Variants in TTC13 observed in about 807,000 individuals in gnomAD.
TTC13 encodes tetratricopeptide repeat protein 13.
A neutral mutation model predicts 120.0 loss-of-function variants in TTC13; 62 were observed. That is an observed-to-expected ratio of 0.52 (90% CI 0.42 to 0.64). The LOEUF (loss-of-function observed/expected upper bound fraction) is 0.64, where lower values mean the gene tolerates loss of function less well. Ranked by LOEUF, TTC13 falls within the 30% of genes least tolerant of loss-of-function variation. TTC13 has a pLI of 0.00. For missense variants in TTC13, 824 were observed against 1,050.2 expected (o/e 0.78, Z 2.98); for synonymous variants, 384 against 393.5 (o/e 0.98, Z 0.28).
intron 1 of TTC13, among the ~76,000 whole-genome samples, chr1:230,970,324 A>T (rs1049005752): frequency 1.3e-5 from 2 of 152,244 alleles, no homozygotes; most frequent in Non-Finnish European, 2.9e-5. Context: ...GAGGCAGTCC[A>T]TATGAACATC....
rs1296888426 is a variant in TTC13, at chr1:230,940,967, T to A, written c.673-411A>T. Among the ~76,000 whole-genome samples the A allele has an allele frequency of 2.0e-5, 3 of 152,080 alleles. No homozygotes were observed. The highest frequency in any genetic ancestry group is 2.9e-5 in the Non-Finnish European group (2 of 68,026). Reference sequence around the variant, plus strand: ...ACAAATTATCGGACACAGATTAGAGTCTTCCATGGTCTTTAGCTCTGTCCT... The same window carrying A: ...ACAAATTATCGGACACAGATTAGAGACTTCCATGGTCTTTAGCTCTGTCCT... On this transcript the variant is annotated intron_variant, in intron 6 of 22. Coordinates refer to ENST00000366661, the MANE Select transcript of TTC13 (RefSeq NM_024525.5). The surrounding 1 kb of genome is among the most constrained non-coding windows in gnomAD (Gnocchi z 4.1).
Position 230,944,136 on chromosome 1 carries a change from C to G in TTC13, c.580-238G>C, listed in dbSNP as rs574041572. Among the ~76,000 whole-genome samples the G allele has an allele frequency of 2.0e-4, 31 of 152,296 alleles. No individual in the cohort carries two copies. Among genetic ancestry groups the G allele is most frequent in the African/African-American group, 7.2e-4 (30 of 41,560 alleles). On this transcript the variant is annotated intron_variant, in intron 5 of 22. Coordinates refer to ENST00000366661, the MANE Select transcript of TTC13 (RefSeq NM_024525.5). The surrounding 1 kb of genome is among the most constrained non-coding windows in gnomAD (Gnocchi z 4.0). ...ACATGTTAGACCCGGCTACCTATCA[C>G]AAATTCCACAGATGGCAGGATATTA...
At chr1:230,948,770 G>A (rs759526670) in intron 4 of TTC13, among the ~76,000 whole-genome samples, 22 of 152,074 alleles carry the variant, frequency 1.4e-4, no homozygotes, top group African/African-American at 2.7e-4. Context: ...GGTTACAGGC[G>A]TGAGCCACCA....
intron 1 of TTC13, among the ~76,000 whole-genome samples, chr1:230,976,381 T>C (rs902045129): frequency 6.6e-6 from 1 of 152,168 alleles, no homozygotes; most frequent in Non-Finnish European, 1.5e-5. Flanking sequence ...ACAGGTTTCA[T>C]AGGGTCCAGC....
intron 3 of TTC13, among the ~76,000 whole-genome samples, 178 bp downstream of exon 3, chr1:230,958,046 T>C (rs1007966404): frequency 2.6e-5 from 4 of 152,154 alleles, no homozygotes; most frequent in African/African-American, 9.7e-5. Flanking sequence ...AACCTTTTTT[T>C]TTTCTCTTGA....
intron 17 of TTC13, among the ~76,000 whole-genome samples, chr1:230,916,550 G>A (rs74734033): frequency 0.15 from 22,886 of 152,172 alleles, 2,215 homozygotes; most frequent in Non-Finnish European, 0.22. Context: ...AAAGCTCACA[G>A]GTTCTCTTCG....
At chr1:230,926,973 G>C (rs1673107266) in intron 12 of TTC13, among the ~76,000 whole-genome samples, 1 of 152,136 alleles carries the variant, frequency 6.6e-6, no homozygotes, top group Non-Finnish European at 1.5e-5. Flanking sequence ...TTTGGCTTAT[G>C]AGCTTTGGGA....
chr1:230,933,977 A>G, intron 8 of TTC13, 116 bp from the exon 9 acceptor site: 1 of 555,454 alleles, frequency 1.8e-6, no homozygotes, highest in South Asian at 3.5e-5. Flanking sequence ...TTCTTTTAGG[A>G]GGACTTTTAA....
intron 1 of TTC13, among the ~76,000 whole-genome samples, chr1:230,970,004 T>C (rs1013410266): frequency 2.0e-5 from 3 of 152,238 alleles, no homozygotes; most frequent in African/African-American, 4.8e-5. Context: ...CCAAGGTAGA[T>C]ACAAGGCACA....
At chr1:230,911,362 C>T (rs1671481126) in intron 20 of TTC13, 108 bp downstream of exon 20, 3 of 695,806 alleles carry the variant, frequency 4.3e-6, no homozygotes, top group South Asian at 6.3e-5. Flanking sequence ...TAGGGAGCTC[C>T]TTACCATTTC....
Position 230,954,344 on chromosome 1 carries a change from T to C in TTC13, c.502A>G (p.Thr168Ala), listed in dbSNP as rs1162195605. ...AGAAGAAAATTTACCTGAAGCATTG[T>C]TGAAAAATGCCGTATTGCTTCATCA... ...LYDEAIRHFS[T>A]MLQEEPDLVS... The change falls in exon 4 of 23, where the codon ACA becomes GCA. Residue 168 changes from threonine (T) to alanine (A), a missense_variant. Thr to Ala is a moderately conservative substitution (Grantham distance 58). Around this residue, in one of 4 missense-constraint regions of TTC13, gnomAD observed 430 missense variants for 626.8 expected, o/e 0.69. Coordinates refer to ENST00000366661, the MANE Select transcript of TTC13 (RefSeq NM_024525.5). 3 of 1,612,166 alleles carry C rather than the reference T, an allele frequency of 1.9e-6. No individual in the cohort carries two copies. The highest frequency in any genetic ancestry group is 2.2e-5 in the South Asian group (2 of 90,602).
intron 6 of TTC13, among the ~76,000 whole-genome samples, chr1:230,943,507 T>A (rs1674707306): frequency 6.6e-6 from 1 of 152,140 alleles, no homozygotes; most frequent in East Asian, 1.9e-4. Context: ...AACACAAATA[T>A]TATGTGTTAT....
Position 230,968,144 on chromosome 1 carries a change from TC to T in TTC13, c.272-6842del, listed in dbSNP as rs398103796. ...TCATCAGGCTTATCTATTTTATTCT[TC>T]TTTTTTTTATCACTTAAGAATTTGT... is the stretch of plus-strand genomic sequence containing the variant. On this transcript the variant is annotated intron_variant, in intron 1 of 22. Coordinates refer to ENST00000366661, the MANE Select transcript of TTC13 (RefSeq NM_024525.5). Among the ~76,000 whole-genome samples the T allele has an allele frequency of 2.5e-4, 22 of 87,654 alleles. No homozygotes were observed. The East Asian group carries it at 2.8e-3, about 11-fold the overall frequency. The allele number at this position is 87,654 out of a possible 152,430, so 57.5% of individuals were successfully genotyped here. A position where few individuals can be genotyped will look rare whatever the true frequency, so the allele number is the denominator to read the frequency against.
chr1:230,924,393 C>T (rs946300129), intron 14 of TTC13, among the ~76,000 whole-genome samples: 5 of 152,100 alleles, frequency 3.3e-5, no homozygotes, highest in African/African-American at 1.2e-4. Context: ...AGTGCAGTGG[C>T]GCGATCTCGG....
intron 2 of TTC13, 44 bp from the exon 3 acceptor site, chr1:230,958,343 A>C: frequency 6.4e-7 from 1 of 1,560,952 alleles, no homozygotes; most frequent in Non-Finnish European, 8.6e-7. Flanking sequence ...AGCTATCACA[A>C]ATGAAAGAAA....
intron 3 of TTC13, among the ~76,000 whole-genome samples, chr1:230,955,868 A>G (rs1307474976): frequency 6.6e-6 from 1 of 152,116 alleles, no homozygotes; most frequent in Non-Finnish European, 1.5e-5. Flanking sequence ...ATTAAGCCCA[A>G]ATTCATGCTC....
intron 4 of TTC13, among the ~76,000 whole-genome samples, chr1:230,952,230 G>A (rs1179967616): frequency 6.6e-6 from 1 of 151,960 alleles, no homozygotes; most frequent in Non-Finnish European, 1.5e-5. Context: ...GCTTTATCTG[G>A]ATGCCTCCAA....
chr1:230,909,581 G>A lies in TTC13; in HGVS notation c.2310-561C>T, dbSNP rs1471240640. Among the ~76,000 whole-genome samples the A allele has an allele frequency of 7.2e-5, 11 of 152,172 alleles. 1 individual carries two copies. The highest frequency in any genetic ancestry group is 5.2e-4 in the Admixed American group (8 of 15,274). On this transcript the variant is annotated intron_variant, in intron 20 of 22. Transcript: ENST00000366661. Reference sequence around the variant, plus strand: ...CGGGAGGCAGAGGTTGCAGTGAGCCGAGATCGCTCCACCGCACTCCAGCAA... The same window carrying A: ...CGGGAGGCAGAGGTTGCAGTGAGCCAAGATCGCTCCACCGCACTCCAGCAA...
At chr1:230,956,280 G>C (rs537850621) in intron 3 of TTC13, 41 of 184,368 alleles carry the variant, frequency 2.2e-4, no homozygotes, top group South Asian at 6.7e-4. Flanking sequence ...GTGCACTGGA[G>C]GGATGGCCAA....
Sources: allele counts gnomAD v4.1 joint callset (sites outside exome capture counted in the v4.1 genomes callset), GRCh38; gene constraint gnomAD v4.1.1; regional missense constraint gnomAD v4.1.1; non-coding constraint Gnocchi (gnomAD v3.1); transcripts MANE v1.5; gene names NCBI Gene and HGNC (gene_info 2026-07-23, HGNC 2026-07-21).